Variants in TESC observed in about 807,000 individuals in gnomAD.
The protein encoded by TESC is tescalcin, also known as calcineurin B homologous protein 3.
A neutral mutation model predicts 31.0 loss-of-function variants in TESC; 19 were observed. The observed-to-expected ratio is 0.61, with a 90% CI of 0.43 to 0.90. TESC has a LOEUF of 0.90. TESC is among the 40% of genes least tolerant of loss of function. The probability of loss-of-function intolerance (pLI) is 0.00; values close to 1 mark genes in which losing one functional copy is unlikely to be tolerated. For missense variants in TESC, 248 were observed against 303.8 expected (o/e 0.82, Z 1.36); for synonymous variants, 109 against 114.8 (o/e 0.95, Z 0.32).
intron 1 of TESC, among the ~76,000 whole-genome samples, chr12:117,092,780 A>G (rs1431194518): frequency 6.6e-6 from 1 of 152,256 alleles, no homozygotes; most frequent in African/African-American, 2.4e-5. Flanking sequence ...TGGGCAACAG[A>G]GCAGGGCCAT....
At chr12:117,042,021 G>A in intron 6 of TESC, 27 bp from the exon 7 acceptor site, 3 of 1,584,466 alleles carry the variant, frequency 1.9e-6, no homozygotes, top group Admixed American at 1.8e-5. Flanking sequence ...AGGGTGGACA[G>A]TGAGTGGCGC....
chr12:117,049,190 A>C, intron 3 of TESC, 32 bp from the exon 4 acceptor site: 1 of 1,613,738 alleles, frequency 6.2e-7, no homozygotes, highest in Non-Finnish European at 8.5e-7. Flanking sequence ...TGTTGGAAAT[A>C]AATGAAGAAC....
intron 3 of TESC, among the ~76,000 whole-genome samples, chr12:117,050,431 C>A (rs2135753990): frequency 6.6e-6 from 1 of 152,340 alleles, no homozygotes; most frequent in African/African-American, 2.4e-5. Flanking sequence ...TACCCAAATA[C>A]AAAGTTTGCC....
intron 4 of TESC, 65 bp downstream of exon 4, chr12:117,048,954 T>C: frequency 6.2e-7 from 1 of 1,610,336 alleles, no homozygotes; most frequent in Non-Finnish European, 8.5e-7. Context: ...CGCCTTGCGT[T>C]CTGAGGTCTT....
intron 6 of TESC, among the ~76,000 whole-genome samples, chr12:117,042,831 G>A (rs568969508): frequency 2.0e-5 from 3 of 152,186 alleles, no homozygotes; most frequent in Non-Finnish European, 4.4e-5. Context: ...GGTCATCCAC[G>A]CTATTGATTC....
rs139984220 is a variant in TESC at position 117,089,080 on chromosome 12, C to G, written c.58+10145G>C. ...ATCAGGTGGGTCAGAAAAAACGTTC[C>G]CCACTGGCCCAGAGAATAATAAGAC... On this transcript the variant is annotated intron_variant, in intron 1 of 7. Coordinates refer to ENST00000335209, the MANE Select transcript of TESC (RefSeq NM_017899.4). Among the ~76,000 whole-genome samples the G allele has an allele frequency of 7.7e-3, 1,177 of 152,220 alleles. 16 individuals carry two copies. The highest frequency in any genetic ancestry group is 0.012 in the Non-Finnish European group (793 of 68,010).
chr12:117,048,552 G>C (rs539905607), intron 4 of TESC: 37 of 375,914 alleles, frequency 9.8e-5, no homozygotes, highest in African/African-American at 7.2e-4. Flanking sequence ...GCTGGTCTCA[G>C]GAACCCAGCA....
At chr12:117,041,168 A>G (rs991539922) in intron 7 of TESC, among the ~76,000 whole-genome samples, 63 of 152,214 alleles carry the variant, frequency 4.1e-4, no homozygotes, top group Non-Finnish European at 1.5e-4. Flanking sequence ...TGGAGGAGCC[A>G]TCAGGGAGGA....
chr12:117,075,913 ATGTG>A (rs1172157385), intron 1 of TESC, among the ~76,000 whole-genome samples: 58 of 51,906 alleles, frequency 1.1e-3, no homozygotes, highest in Non-Finnish European at 1.3e-3. Context: ...ATATATATAT[ATGTG>A]TGTGTGTATA....
intron 2 of TESC, among the ~76,000 whole-genome samples, chr12:117,066,373 A>ATTTTT (rs55744717): frequency 7.7e-6 from 1 of 129,634 alleles, no homozygotes; most frequent in East Asian, 2.2e-4. Flanking sequence ...TGAATGGCTA[A>ATTTTT]TTTTTTTTTT....
At chr12:117,049,390 A>G (rs2135752873) in intron 3 of TESC, among the ~76,000 whole-genome samples, 1 of 152,298 alleles carries the variant, frequency 6.6e-6, no homozygotes, top group African/African-American at 2.4e-5. Context: ...AGGGAGGTGG[A>G]AGAGAGAGAG....
intron 1 of TESC, among the ~76,000 whole-genome samples, chr12:117,091,090 C>T (rs1955300162): frequency 6.6e-6 from 1 of 152,228 alleles, no homozygotes; most frequent in Non-Finnish European, 1.5e-5. Flanking sequence ...CGACAAAGAG[C>T]CTTTTTGTCC....
rs1402243135 is a variant in TESC, at chr12:117,075,255, C to T, written c.128+16G>A. The T allele has an allele frequency of 1.2e-5, 19 of 1,612,154 alleles. No individual in the cohort carries two copies. The highest frequency in any genetic ancestry group is 3.3e-5 in the Admixed American group (2 of 59,962). Reference sequence around the variant, plus strand: ...GCATGGCCCCACCCAGCACCCAAACCCGCTGCCAATCTTACCGAATGGTAG... The same window carrying T: ...GCATGGCCCCACCCAGCACCCAAACTCGCTGCCAATCTTACCGAATGGTAG... On this transcript the variant is annotated intron_variant, in intron 2 of 7. Coordinates refer to ENST00000335209, the MANE Select transcript of TESC (RefSeq NM_017899.4).
At chr12:117,054,981 C>T (rs1954700365) in intron 3 of TESC, among the ~76,000 whole-genome samples, 1 of 152,150 alleles carries the variant, frequency 6.6e-6, no homozygotes, top group Admixed American at 6.6e-5. Context: ...CCCGGTCACC[C>T]AGGTCTTTCA....
chr12:117,091,520 A>C (rs190801955), intron 1 of TESC, among the ~76,000 whole-genome samples: 43 of 152,378 alleles, frequency 2.8e-4, no homozygotes, highest in Middle Eastern at 3.4e-3. Context: ...AGAAAGAAAG[A>C]TGCAGCGGGG....
At chr12:117,087,704 G>A (rs929735543) in intron 1 of TESC, among the ~76,000 whole-genome samples, 3 of 152,196 alleles carry the variant, frequency 2.0e-5, no homozygotes, top group East Asian at 1.9e-4. Flanking sequence ...TTAGCTGGGC[G>A]TGCTGGTGCA....
chr12:117,094,034 C>G (rs1440775169), intron 1 of TESC, among the ~76,000 whole-genome samples: 1 of 152,032 alleles, frequency 6.6e-6, no homozygotes, highest in Non-Finnish European at 1.5e-5. Flanking sequence ...CCGTCAGGTC[C>G]CACTTTGTAC....
At chr12:117,058,189 C>T (rs1565963714) in intron 2 of TESC, among the ~76,000 whole-genome samples, 1 of 152,172 alleles carries the variant, frequency 6.6e-6, no homozygotes, top group African/African-American at 2.4e-5. Flanking sequence ...CATTGCACTA[C>T]AGCCTGGTAG....
chr12:117,082,525 G>C (rs1955163238), intron 1 of TESC, among the ~76,000 whole-genome samples: 2 of 151,852 alleles, frequency 1.3e-5, no homozygotes, highest in African/African-American at 4.8e-5. Context: ...AAGAAATTGG[G>C]GGAAATACTG....
Sources: gnomAD v4.1 joint callset for allele counts (sites outside exome capture counted in the v4.1 genomes callset) on GRCh38, gnomAD v4.1.1 for gene constraint, MANE v1.5 for transcripts, NCBI Gene and HGNC (gene_info 2026-07-23, HGNC 2026-07-21) for gene names.